Variants in EYS observed in about 807,000 individuals in gnomAD.
The protein encoded by EYS is EGF-like photoreceptor maintenance factor.
A neutral mutation model predicts 282.1 loss-of-function variants in EYS; 250 were observed. That is an observed-to-expected ratio of 0.89 (90% confidence interval 0.80 to 0.98). EYS has a LOEUF of 0.98. EYS is among the 50% of genes least tolerant of loss of function. EYS has a pLI of 0.00. For missense variants in EYS, 4,016 were observed against 3,709.0 expected, an observed-to-expected ratio of 1.08 and a Z score of -2.15; for synonymous variants, 1,355 against 1,282.9, an observed-to-expected ratio of 1.06 and a Z score of -1.20.
chr6:65,027,709 C>A (rs1044555264), intron 13 of EYS, among the ~76,000 whole-genome samples: 1 of 152,116 alleles, frequency 6.6e-6, no homozygotes, highest in Non-Finnish European at 1.5e-5. Context: ...GCACTTAAGA[C>A]TTATCAGTAT....
chr6:65,605,489 T>C (rs1247695668), intron 2 of EYS, among the ~76,000 whole-genome samples: 1 of 151,952 alleles, frequency 6.6e-6, no homozygotes, highest in African/African-American at 2.4e-5. Context: ...AATACTCCTT[T>C]TGAATATATG....
intron 26 of EYS, among the ~76,000 whole-genome samples, chr6:64,487,962 C>T (rs74595417): frequency 1.3e-5 from 2 of 150,812 alleles, no homozygotes; most frequent in Non-Finnish European, 3.0e-5. Context: ...GAACCCAGAT[C>T]CCAGTTGAAC....
intron 40 of EYS, among the ~76,000 whole-genome samples, chr6:63,773,120 A>G (rs116371258): frequency 6.6e-6 from 1 of 152,272 alleles, no homozygotes; most frequent in African/African-American, 2.4e-5. Context: ...TGAACATTTG[A>G]GCAGTTTCCA....
chr6:64,969,130 G>T lies in EYS; in HGVS notation c.2260-23216C>A, dbSNP rs117559430. On this transcript the variant is annotated intron_variant, in intron 14 of 42. Coordinates refer to ENST00000503581, the MANE Select transcript of EYS (RefSeq NM_001142800.2). ...CTCATTTCCTAAAACTTTTCCTGGG[G>T]AATCTCCCTTAAAAGAGTTGGAGAC... Among the ~76,000 whole-genome samples, 785 of 152,138 alleles carry T rather than the reference G, an allele frequency of 5.2e-3. 19 individuals are homozygous for T. The highest frequency in any genetic ancestry group is 0.044 in the Admixed American group (669 of 15,276).
intron 35 of EYS, among the ~76,000 whole-genome samples, chr6:63,950,787 C>A (rs1018993906): frequency 6.6e-6 from 1 of 152,108 alleles, no homozygotes; most frequent in Admixed American, 6.6e-5. Flanking sequence ...TATCCCTCAA[C>A]CTCTTTCTCC....
intron 2 of EYS, among the ~76,000 whole-genome samples, chr6:65,552,734 G>T (rs926868861): frequency 4.6e-5 from 7 of 151,892 alleles, no homozygotes; most frequent in African/African-American, 1.7e-4. Context: ...CTCACAAGGG[G>T]TTCAAACCAT....
In EYS at chr6:64,307,042, A is replaced by G; in HGVS notation, c.6119T>C (p.Val2040Ala). 6.5e-7 allele frequency: 1 copy of G among 1,542,314 alleles called. No individual in the cohort carries two copies. The highest frequency in any genetic ancestry group is 2.5e-5 in the East Asian group (1 of 40,726). ...AGATCTCCAGTTATTTATTTCTATA[A>G]CTTCTATGCAGCCAGTAAAATTCTT... ...PVKNFTGCIE[V>A]IEINNWRSFI... The change falls in exon 30 of 43, where the codon GTT becomes GCT. Residue 2040 changes from valine to alanine, a missense_variant. Physicochemically the swap from Val to Ala is moderately conservative, Grantham distance 64 (BLOSUM62 0). Coordinates refer to ENST00000503581, the MANE Select transcript of EYS (RefSeq NM_001142800.2).
rs1222670929 is a variant in EYS, at chr6:64,821,690, T to C, written c.3198A>G (p.Ser1066=). The C allele has an allele frequency of 6.6e-7, 1 of 1,526,362 alleles. No individual in the cohort carries two copies. Among genetic ancestry groups the C allele is most frequent in the Non-Finnish European group, 8.9e-7 (1 of 1,128,476 alleles). The allele number at this position is 1,526,362 out of a possible 1,614,324, so 94.6% of individuals were successfully genotyped here. ...CTELINEYPC[S]CDADGTSTQC... is the part of the protein sequence containing the mutation. ...GTGTGCTAGTCCCATCTGCATCACA[T>C]GAACATGGATATTCATTAATAAGTT... The change falls in exon 21 of 43, where the codon TCA becomes TCG. Residue 1066 remains serine (S), a synonymous_variant. Coordinates refer to ENST00000503581, the MANE Select transcript of EYS (RefSeq NM_001142800.2).
chr6:63,941,795 A>G (rs1181559231), intron 35 of EYS, among the ~76,000 whole-genome samples: 2 of 152,168 alleles, frequency 1.3e-5, no homozygotes, highest in Middle Eastern at 3.2e-3. Context: ...TACAGCTGCT[A>G]AGCTACTAGG....
chr6:64,111,175 A>T (rs1389152770), intron 31 of EYS, among the ~76,000 whole-genome samples: 3 of 152,082 alleles, frequency 2.0e-5, no homozygotes, highest in Non-Finnish European at 4.4e-5. Flanking sequence ...TAATTACAAA[A>T]AGTAAAATTC....
intron 31 of EYS, among the ~76,000 whole-genome samples, chr6:64,194,513 G>A (rs139225120): frequency 7.2e-5 from 11 of 152,056 alleles, no homozygotes; most frequent in Admixed American, 2.0e-4. Flanking sequence ...GATCTTTCAT[G>A]ACTTACATAT....
chr6:64,951,891 G>A (rs1241146012), intron 14 of EYS, among the ~76,000 whole-genome samples: 5 of 151,798 alleles, frequency 3.3e-5, no homozygotes, highest in African/African-American at 1.2e-4. Context: ...TAGAGAAATT[G>A]GGCAAGAACA....
In EYS at chr6:64,923,325, G is replaced by A. The variant is rs371780641; in HGVS notation, c.2382-10582C>T. Among the ~76,000 whole-genome samples the A allele has an allele frequency of 5.3e-5, 8 of 152,226 alleles. No individual in the cohort carries two copies. In the East Asian group the frequency reaches 1.2e-3, roughly 22 times the overall value. ...TCCCATGAGACTTAATGACTATCACGAGAATAGCACAGGAAAGACCTGCCT... is the reference window on the plus strand; with the variant it reads ...TCCCATGAGACTTAATGACTATCACAAGAATAGCACAGGAAAGACCTGCCT... On this transcript the variant is annotated intron_variant, in intron 15 of 42. Coordinates refer to ENST00000503581, the MANE Select transcript of EYS (RefSeq NM_001142800.2).
chr6:64,033,828 C>CTATATATATATATATATATATATA (rs1491226014), intron 33 of EYS, among the ~76,000 whole-genome samples: 2 of 59,186 alleles, frequency 3.4e-5, no homozygotes, highest in African/African-American at 6.6e-5. Flanking sequence ...AATGAGATTA[C>CTATATATATATATATATATATATA]TCTCTCTCTC....
At chr6:64,160,867 T>C (rs930936269) in intron 31 of EYS, among the ~76,000 whole-genome samples, 1 of 152,184 alleles carries the variant, frequency 6.6e-6, no homozygotes, top group Non-Finnish European at 1.5e-5. Flanking sequence ...ATAGACTTCT[T>C]TGGGAACTAC....
At chr6:64,937,742 A>C (rs1441413532) in intron 15 of EYS, among the ~76,000 whole-genome samples, 1 of 151,682 alleles carries the variant, frequency 6.6e-6, no homozygotes, top group East Asian at 1.9e-4. Flanking sequence ...CTAAAAGTTA[A>C]GCACAGAGTT....
At chr6:64,226,698 G>T (rs1245160114) in intron 31 of EYS, among the ~76,000 whole-genome samples, 1 of 152,030 alleles carries the variant, frequency 6.6e-6, no homozygotes, top group Non-Finnish European at 1.5e-5. Context: ...GATAGCATGT[G>T]TTGAAGAAAA....
At chr6:65,414,308 G>A (rs1374189343) in intron 5 of EYS, among the ~76,000 whole-genome samples, 1 of 152,116 alleles carries the variant, frequency 6.6e-6, no homozygotes, top group Non-Finnish European at 1.5e-5. Flanking sequence ...TCTATGGAAA[G>A]ATTATGGAGC....
At chr6:64,842,731 T>C (rs1404456370) in intron 19 of EYS, among the ~76,000 whole-genome samples, 1 of 152,038 alleles carries the variant, frequency 6.6e-6, no homozygotes, top group Non-Finnish European at 1.5e-5. Context: ...TTGTGGAACT[T>C]TGAACTTGAG....
Sources: gnomAD v4.1 joint callset for allele counts (sites outside exome capture counted in the v4.1 genomes callset) on GRCh38, gnomAD v4.1.1 for gene constraint, MANE v1.5 for transcripts, NCBI Gene and HGNC (gene_info 2026-07-23, HGNC 2026-07-21) for gene names.